The following FAM131C variants were observed in gnomAD, a reference collection of about 807,000 sequenced individuals.
FAM131C encodes protein FAM131C.
In FAM131C, 14 loss-of-function variants were observed where a neutral mutation model predicts 29.8. The observed-to-expected ratio is 0.47, with a 90% CI of 0.31 to 0.73. The LOEUF (loss-of-function observed/expected upper bound fraction) is 0.73. Among genes scored for constraint, FAM131C ranks in the 30% least tolerant of loss-of-function variants. The pLI is 0.05. For synonymous variants in FAM131C, 86 were observed against 157.8 expected, an observed-to-expected ratio of 0.54 and a Z score of 3.41; for missense variants, 252 against 383.8, an observed-to-expected ratio of 0.66 and a Z score of 2.87.
chr1:16,058,824 A>G, intron 6 of FAM131C, 107 bp from the exon 7 acceptor site: 1 of 1,100,164 alleles, frequency 9.1e-7, no homozygotes, highest in Non-Finnish European at 1.3e-6. Flanking sequence ...CTCCAAATCC[A>G]GCTATGTGAC....
At chr1:16,061,231 G>A (rs1475849454) in intron 4 of FAM131C, among the ~76,000 whole-genome samples, 1 of 152,146 alleles carries the variant, frequency 6.6e-6, no homozygotes, top group Admixed American at 6.5e-5. Context: ...CAATTGGAGA[G>A]GGTGTTTTGT....
At chr1:16,058,781 G>C in intron 6 of FAM131C, 64 bp from the exon 7 acceptor site, 1 of 1,418,598 alleles carries the variant, frequency 7.0e-7, no homozygotes, top group East Asian at 2.4e-5. Flanking sequence ...CCTCTCTGGG[G>C]GTGTGAGAAA....
rs537440717 is a variant in FAM131C, at chr1:16,058,768, C to T, written c.563-51G>A. The T allele has an allele frequency of 4.5e-5, 64 of 1,436,078 alleles. 3 individuals carry two copies. Among genetic ancestry groups the T allele is most frequent in the Middle Eastern group, 2.4e-4 (1 of 4,122 alleles). The allele number at this position is 1,436,078 out of a possible 1,614,324, so 89.0% of individuals were successfully genotyped here. On this transcript the variant is annotated intron_variant, in intron 6 of 6. Coordinates refer to ENST00000375662, the MANE Select transcript of FAM131C (RefSeq NM_182623.3). ...GAATGGCGTCCCAGATCCAGCTCCT[C>T]GCCCTCTCTGGGGGTGTGAGAAAGG...
intron 4 of FAM131C, among the ~76,000 whole-genome samples, chr1:16,061,019 T>C (rs548670764): frequency 1.3e-5 from 2 of 152,100 alleles, no homozygotes; most frequent in East Asian, 3.9e-4. Flanking sequence ...CTGCCAGGAA[T>C]GGTTCAGCAT....
intron 1 of FAM131C, among the ~76,000 whole-genome samples, chr1:16,070,503 AAT>A (rs2124136378): frequency 6.6e-6 from 1 of 152,164 alleles, no homozygotes; most frequent in African/African-American, 2.4e-5. Context: ...AGGTAATAAA[AAT>A]TAAAGGCCGG....
rs377516199 is a variant in FAM131C at position 16,062,160 on chromosome 1, G to A, written c.207C>T (p.Ser69=). Residue 69 remains serine (S), a synonymous_variant, in exon 4 of 7, where the codon TCC becomes TCT. Coordinates refer to ENST00000375662, the MANE Select transcript of FAM131C (RefSeq NM_182623.3). ...AGTTGCCGGGGCGGGATCTGGAGTC[G>A]GACAGGTAGCCGTTGGTGGTCTGGA... ...RCFQTTNGYL[S]DSRSRPGNYN... The A allele has an allele frequency of 9.3e-6, 15 of 1,611,604 alleles. No homozygotes were observed. Among genetic ancestry groups the A allele is most frequent in the Non-Finnish European group, 1.0e-5 (12 of 1,179,560 alleles).
chr1:16,063,711 C>A lies in FAM131C; in HGVS notation c.23-75G>T, dbSNP rs1570355812. 5 of 984,958 alleles carry A rather than the reference C, an allele frequency of 5.1e-6. No homozygotes were observed. In the East Asian group the frequency reaches 1.1e-4, roughly 21 times the overall value. The allele number at this position is 984,958 out of a possible 1,614,324, so 61.0% of individuals were successfully genotyped here. On this transcript the variant is annotated intron_variant, in intron 1 of 6. Coordinates refer to ENST00000375662, the MANE Select transcript of FAM131C (RefSeq NM_182623.3). Reference sequence around the variant, plus strand: ...GCTTACAAAGCATGTTCAAGGCCCCCCCGTAAGGTGAGTATGGCCTTGTTT... The same window carrying A: ...GCTTACAAAGCATGTTCAAGGCCCCACCGTAAGGTGAGTATGGCCTTGTTT...
rs374058290 is a variant in FAM131C at position 16,068,064 on chromosome 1, G to A, written c.23-4428C>T. Among the ~76,000 whole-genome samples, 11 of 152,082 alleles carry A rather than the reference G, an allele frequency of 7.2e-5. No individual in the cohort carries two copies. In the East Asian group the frequency reaches 1.2e-3, roughly 16 times the overall value. On this transcript the variant is annotated intron_variant, in intron 1 of 6. Transcript: ENST00000375662. ...AAAGCGTCCCCTCATGCTCCTCCCC[G>A]GCCAGCCTCGGGCTTCTCTGCTCAG...
At chr1:16,070,658 T>TA (rs2023739337) in intron 1 of FAM131C, among the ~76,000 whole-genome samples, 1 of 152,154 alleles carries the variant, frequency 6.6e-6, no homozygotes, top group Non-Finnish European at 1.5e-5. Flanking sequence ...AAATTAAAAG[T>TA]AAAAATGAGA....
At chr1:16,070,407 CT>C (rs34944409) in intron 1 of FAM131C, among the ~76,000 whole-genome samples, 3,590 of 152,328 alleles carry the variant, frequency 0.024, 64 homozygotes, top group Middle Eastern at 0.037. Flanking sequence ...CACCCGCTGC[CT>C]TTCCCATGAG....
intron 4 of FAM131C, among the ~76,000 whole-genome samples, chr1:16,060,560 A>C (rs2023579028): frequency 1.3e-5 from 2 of 151,204 alleles, no homozygotes; most frequent in African/African-American, 4.8e-5. Context: ...CAGGCAGGGA[A>C]GGCTTCCTGG....
chr1:16,066,220 C>T lies in FAM131C; in HGVS notation c.23-2584G>A, dbSNP rs538026997. Among the ~76,000 whole-genome samples, 9 of 152,338 alleles carry T rather than the reference C, an allele frequency of 5.9e-5. No homozygotes were observed. The South Asian group carries it at 8.3e-4, about 14-fold the overall frequency. ...AAGTTTTCATCCCAACTGGATTAGA[C>T]TTAGTTTGCAGAAGAGACCGTAGGT... On this transcript the variant is annotated intron_variant, in intron 1 of 6. Coordinates refer to ENST00000375662, the MANE Select transcript of FAM131C (RefSeq NM_182623.3).
chr1:16,068,476 G>A (rs2023710357), intron 1 of FAM131C, among the ~76,000 whole-genome samples: 1 of 152,232 alleles, frequency 6.6e-6, no homozygotes, highest in Non-Finnish European at 1.5e-5. Context: ...TGTCCCCAGG[G>A]CTGGAGCTGG....
At chr1:16,062,351 G>C (rs1397158327) in intron 3 of FAM131C, 148 bp downstream of exon 3, 53 of 1,418,934 alleles carry the variant, frequency 3.7e-5, no homozygotes, top group Middle Eastern at 2.6e-4. Flanking sequence ...TAACTCCCAC[G>C]GGACAACCCC....
chr1:16,059,993 G>A lies in FAM131C; in HGVS notation c.327C>T (p.Arg109=), dbSNP rs757911402. 5.8e-6 allele frequency: 9 copies of A among 1,559,826 alleles called. No individual in the cohort carries two copies. The highest frequency in any genetic ancestry group is 2.3e-5 in the South Asian group (2 of 86,844). ...CCTTCCACTCGATGAGGTGGGCCAC[G>A]CGGCCTCGGGCCATGGCCGTGGGCT... ...ITKPTAMARG[R]VAHLIEWKGW... is the part of the protein sequence containing the mutation. The change falls in exon 5 of 7, where the codon CGC becomes CGT. Residue 109 remains arginine (R), a synonymous_variant. Coordinates refer to ENST00000375662, the MANE Select transcript of FAM131C (RefSeq NM_182623.3).
In FAM131C at chr1:16,073,651, T is replaced by G; in HGVS notation, c.-209A>C. 2 of 160,362 alleles carry G rather than the reference T, an allele frequency of 1.2e-5. No homozygotes were observed. The allele number at this position is 160,362 out of a possible 1,614,324, so 9.9% of individuals were successfully genotyped here. A position where few individuals can be genotyped will look rare whatever the true frequency, so the allele number is the denominator to read the frequency against. On this transcript the variant is annotated 5_prime_UTR_variant, in exon 1 of 7. Transcript: ENST00000375662. ...CCTCGCGCCGCCGCCTCCCGCGCAGTGCCCGCCGCTGCCAGGGGAGGGCGA... is the reference window on the plus strand; with the variant it reads ...CCTCGCGCCGCCGCCTCCCGCGCAGGGCCCGCCGCTGCCAGGGGAGGGCGA...
At position 16,058,514 on chromosome 1, in the gene FAM131C, C is replaced by T. The variant is rs1249567865; in HGVS notation, c.766G>A (p.Gly256Arg). The change falls in exon 7 of 7, where the codon GGG (glycine) becomes AGG (arginine). Residue 256 changes from glycine to arginine, a missense_variant. This residue lies in a region of FAM131C where 42 missense variants were observed against 51.7 expected (regional missense o/e 0.81). Coordinates refer to ENST00000375662, the MANE Select transcript of FAM131C (RefSeq NM_182623.3). ...GGGAGGGAGCCCGGGGGGTGGGTCC[C>T]ACCCTCGGGTCCTTGGGCCCCGGGC... ...RLPGAQGPEG[G>R]THPPGSLPSM... is the part of the protein sequence containing the mutation. The T allele has an allele frequency of 5.3e-6, 8 of 1,516,906 alleles. No individual in the cohort carries two copies. In the Admixed American group the frequency reaches 1.3e-4, roughly 25 times the overall value. The allele number at this position is 1,516,906 out of a possible 1,614,324, so 94.0% of individuals were successfully genotyped here.
intron 4 of FAM131C, among the ~76,000 whole-genome samples, chr1:16,061,516 G>A (rs1030178489): frequency 2.0e-5 from 3 of 152,128 alleles, no homozygotes; most frequent in South Asian, 2.1e-4. Context: ...ACCTAGAGAG[G>A]CCGGGAGGCT....
At chr1:16,073,207 G>C (rs1339131437) in intron 1 of FAM131C, among the ~76,000 whole-genome samples, 1 of 152,124 alleles carries the variant, frequency 6.6e-6, no homozygotes, top group Non-Finnish European at 1.5e-5. Flanking sequence ...GCAAACTGGG[G>C]CGGGGATGCG....
Sources: allele counts gnomAD v4.1 joint callset (sites outside exome capture counted in the v4.1 genomes callset), GRCh38; gene constraint gnomAD v4.1.1; regional missense constraint gnomAD v4.1.1; transcripts MANE v1.5; gene names NCBI Gene and HGNC (gene_info 2026-07-23, HGNC 2026-07-21).